Variants in UNC5D observed in about 807,000 individuals in gnomAD.
UNC5D encodes unc-5 netrin receptor D.
In UNC5D, 39 loss-of-function variants were observed where a neutral mutation model predicts 105.4. The ratio of observed to expected loss-of-function variants is 0.37; its 90% CI spans 0.29 to 0.48. The LOEUF (loss-of-function observed/expected upper bound fraction) is 0.48, where lower values mean the gene tolerates loss of function less well. Among genes scored for constraint, UNC5D ranks in the 20% least tolerant of loss-of-function variants. The pLI, the probability that UNC5D is intolerant of heterozygous loss-of-function variation, is 0.98. For missense variants in UNC5D, 991 were observed against 1,202.4 expected (o/e 0.82, Z 2.60); for synonymous variants, 452 against 450.4 (o/e 1.00, Z -0.04).
At chr8:35,656,297 G>T (rs1394156470) in intron 4 of UNC5D, among the ~76,000 whole-genome samples, 1 of 152,188 alleles carries the variant, frequency 6.6e-6, no homozygotes, top group African/African-American at 2.4e-5. Context: ...TGCAAAGGGT[G>T]TGTGTTCAAT....
chr8:35,587,784 G>T (rs1409753702), intron 3 of UNC5D, among the ~76,000 whole-genome samples: 1 of 151,738 alleles, frequency 6.6e-6, no homozygotes, highest in African/African-American at 2.4e-5. Flanking sequence ...CAACTCAGAA[G>T]AAAGGGATCT....
chr8:35,374,628 C>T (rs1470110683), intron 1 of UNC5D, among the ~76,000 whole-genome samples: 1 of 152,162 alleles, frequency 6.6e-6, no homozygotes, highest in Non-Finnish European at 1.5e-5. Context: ...TTATTTGTTA[C>T]TGTCTCAAAA....
At chr8:35,401,356 T>C (rs367791378) in intron 1 of UNC5D, among the ~76,000 whole-genome samples, 1 of 152,092 alleles carries the variant, frequency 6.6e-6, no homozygotes, top group East Asian at 1.9e-4. Context: ...TAGTGGCACA[T>C]GCTTGTAATC....
Position 35,589,431 on chromosome 8 carries a change from TTAGAAG to T in UNC5D, c.467-6117_467-6112del, listed in dbSNP as rs1399365174. Among the ~76,000 whole-genome samples the T allele has an allele frequency of 2.6e-5, 4 of 151,964 alleles. No individual in the cohort carries two copies. In the East Asian group the frequency reaches 7.7e-4, roughly 29 times the overall value. ...CTTTTTTTTTTTTTTTTAGAAAACT[TTAGAAG>T]TAGAATTACTGAACCATATGAATGA... is the stretch of plus-strand genomic sequence containing the variant. On this transcript the variant is annotated intron_variant, in intron 3 of 16. Coordinates refer to ENST00000404895, the MANE Select transcript of UNC5D (RefSeq NM_080872.4).
At chr8:35,375,379 A>C in intron 1 of UNC5D, among the ~76,000 whole-genome samples, 1 of 152,140 alleles carries the variant, frequency 6.6e-6, no homozygotes, top group South Asian at 2.1e-4. Flanking sequence ...CTGGGGAAGG[A>C]GAGAGAAGAA....
chr8:35,491,575 A>G (rs1191186384), intron 1 of UNC5D, among the ~76,000 whole-genome samples: 1 of 152,080 alleles, frequency 6.6e-6, no homozygotes, highest in Non-Finnish European at 1.5e-5. Flanking sequence ...TAGTAACGTA[A>G]CATACTCAAA....
intron 1 of UNC5D, among the ~76,000 whole-genome samples, chr8:35,449,587 T>C (rs564393640): frequency 2.3e-4 from 35 of 152,298 alleles, no homozygotes; most frequent in Middle Eastern, 3.4e-3. Flanking sequence ...CTTGCCGCCA[T>C]GGAGCTTTTA....
At chr8:35,607,605 T>G (rs1820383343) in intron 4 of UNC5D, among the ~76,000 whole-genome samples, 1 of 152,130 alleles carries the variant, frequency 6.6e-6, no homozygotes, top group Non-Finnish European at 1.5e-5. Flanking sequence ...TTGAATCATG[T>G]GGACAGTTTC....
chr8:35,449,360 T>C (rs561661828), intron 1 of UNC5D, among the ~76,000 whole-genome samples: 67 of 152,236 alleles, frequency 4.4e-4, no homozygotes, highest in Middle Eastern at 3.4e-3. Context: ...TCTCTGTTAT[T>C]GAGCTTCTGC....
In UNC5D at chr8:35,790,487, A is replaced by G. The variant is rs772507164; in HGVS notation, c.2786A>G (p.His929Arg). 18 of 1,613,954 alleles carry G rather than the reference A, an allele frequency of 1.1e-5. No individual in the cohort carries two copies. Among genetic ancestry groups the G allele is most frequent in the Non-Finnish European group, 1.4e-5 (17 of 1,179,884 alleles). Residue 929 changes from histidine to arginine, a missense_variant, in exon 17 of 17, where the codon CAC becomes CGC. Coordinates refer to ENST00000404895, the MANE Select transcript of UNC5D (RefSeq NM_080872.4). ...ACALEEIGRT[H>R]TKLSNISESQ... ...GCCCTTGAAGAGATTGGGAGGACAC[A>G]CACGAAACTCTCAAACATTTCAGAA... is the stretch of plus-strand genomic sequence containing the variant.
intron 1 of UNC5D, among the ~76,000 whole-genome samples, chr8:35,437,575 A>G (rs953626050): frequency 3.9e-5 from 6 of 152,084 alleles, no homozygotes; most frequent in Non-Finnish European, 8.8e-5. Flanking sequence ...TATATACATG[A>G]ATGATATTTT....
chr8:35,235,841 G>T lies in UNC5D; in HGVS notation c.57G>T (p.Pro19=). Residue 19 remains proline (P), a synonymous_variant, in exon 1 of 17, where the codon CCG becomes CCT. Coordinates refer to ENST00000404895, the MANE Select transcript of UNC5D (RefSeq NM_080872.4). ...GCGGAGGGGCGCGCCGCTGGCTCCC[G>T]TGGCTGGGGCTGTGCTTCTGGGCGG... is the stretch of plus-strand genomic sequence containing the variant. ...GGGGGARRWL[P]WLGLCFWAAG... is the part of the protein sequence containing the mutation. The T allele has an allele frequency of 8.1e-7, 1 of 1,230,500 alleles. No individual in the cohort carries two copies. The highest frequency in any genetic ancestry group is 4.1e-5 in the South Asian group (1 of 24,330). The allele number at this position is 1,230,500 out of a possible 1,614,324, so 76.2% of individuals were successfully genotyped here.
At chr8:35,697,805 G>A (rs1283803514) in intron 7 of UNC5D, among the ~76,000 whole-genome samples, 1 of 152,122 alleles carries the variant, frequency 6.6e-6, no homozygotes, top group Non-Finnish European at 1.5e-5. Flanking sequence ...ATAAATGTTT[G>A]GTCTAGCATG....
At chr8:35,343,176 T>A (rs1811575282) in intron 1 of UNC5D, among the ~76,000 whole-genome samples, 1 of 152,102 alleles carries the variant, frequency 6.6e-6, no homozygotes, top group Non-Finnish European at 1.5e-5. Context: ...AGATACAAAT[T>A]GTTTTTGGTG....
Position 35,796,246 on chromosome 8 carries a change from A to G in UNC5D, c.*5683A>G, listed in dbSNP as rs933703529. On this transcript the variant is annotated 3_prime_UTR_variant, in exon 17 of 17. Coordinates refer to ENST00000404895, the MANE Select transcript of UNC5D (RefSeq NM_080872.4). Reference sequence around the variant, plus strand: ...ACACTTTTTGTGCCTTGTATTATCAATGTAAATTCTGAATGTTGTACAGTA... The same window carrying G: ...ACACTTTTTGTGCCTTGTATTATCAGTGTAAATTCTGAATGTTGTACAGTA... The G allele has an allele frequency of 6.6e-6, 1 of 152,094 alleles. No homozygotes were observed. The highest frequency in any genetic ancestry group is 2.4e-5 in the African/African-American group (1 of 41,394). 9.4% of individuals were successfully genotyped at this position (152,094 alleles called of 1,614,324 possible). A position where few individuals can be genotyped will look rare whatever the true frequency, so the allele number is the denominator to read the frequency against.
intron 1 of UNC5D, among the ~76,000 whole-genome samples, chr8:35,383,581 G>C (rs1415720914): frequency 6.6e-6 from 1 of 152,240 alleles, no homozygotes; most frequent in Non-Finnish European, 1.5e-5. Context: ...GTAGGCAAGA[G>C]AGCATAGGCA....
At position 35,682,125 on chromosome 8, in the gene UNC5D, C is replaced by T. The variant is rs938767412; in HGVS notation, c.571-1422C>T. Among the ~76,000 whole-genome samples the T allele has an allele frequency of 2.8e-4, 43 of 152,020 alleles. 1 individual carries two copies. Among genetic ancestry groups the T allele is most frequent in the Non-Finnish European group, 3.1e-4 (21 of 68,004 alleles). ...GATTACAGGCACGTGCCACCACACCCGGCTAATTTTGGTAATTTTAGTAGA... is the reference window on the plus strand; with the variant it reads ...GATTACAGGCACGTGCCACCACACCTGGCTAATTTTGGTAATTTTAGTAGA... On this transcript the variant is annotated intron_variant, in intron 4 of 16. Transcript: ENST00000404895.
At chr8:35,641,384 AAG>A (rs1491480831) in intron 4 of UNC5D, among the ~76,000 whole-genome samples, 11 of 150,264 alleles carry the variant, frequency 7.3e-5, no homozygotes, top group African/African-American at 1.7e-4. Context: ...AAAAAAAAAA[AAG>A]AAAAAAAAAA....
chr8:35,583,268 G>T (rs1818572252), intron 3 of UNC5D, among the ~76,000 whole-genome samples: 1 of 152,126 alleles, frequency 6.6e-6, no homozygotes, highest in African/African-American at 2.4e-5. Context: ...CAGTAGTATT[G>T]CTTGAGCTCA....
Sources: allele counts gnomAD v4.1 joint callset (sites outside exome capture counted in the v4.1 genomes callset), GRCh38; gene constraint gnomAD v4.1.1; transcripts MANE v1.5; gene names NCBI Gene and HGNC (gene_info 2026-07-23, HGNC 2026-07-21).